Variants in CIMAP1C observed in about 807,000 individuals in gnomAD.
The protein encoded by CIMAP1C is ciliary microtubule associated protein 1C.
the CIMAP1C span, among the ~76,000 whole-genome samples, chr15:75,725,657 G>A: frequency 5.3e-5 from 8 of 152,162 alleles, no homozygotes; most frequent in African/African-American, 1.9e-4. Flanking sequence ...GCAGGGTGTG[G>A]TGGCGTGCAC....
the CIMAP1C span, chr15:75,727,667 A>G: frequency 1.1e-6 from 1 of 936,580 alleles, no homozygotes; most frequent in Non-Finnish European, 1.6e-6. Flanking sequence ...CACAGAAGAC[A>G]TTAGAGATAC....
chr15:75,726,364 A>G, the CIMAP1C span, among the ~76,000 whole-genome samples: 1 of 152,166 alleles, frequency 6.6e-6, no homozygotes, highest in Admixed American at 6.5e-5. Flanking sequence ...GACATGCAGC[A>G]TGTCACCAGG....
chr15:75,727,671 G>A, the CIMAP1C span: 1 of 926,812 alleles, frequency 1.1e-6, no homozygotes, highest in Non-Finnish European at 1.6e-6. Flanking sequence ...GAAGACATTA[G>A]AGATACATTT....
At chr15:75,725,273 G>C in the CIMAP1C span, 2 of 1,308,520 alleles carry the variant, frequency 1.5e-6, no homozygotes, top group Non-Finnish European at 2.2e-6. Context: ...GTTGGAGGTT[G>C]AGGGGAGAGA....
chr15:75,727,416 G>C, the CIMAP1C span: 1 of 1,613,842 alleles, frequency 6.2e-7, no homozygotes, highest in Non-Finnish European at 8.5e-7. Flanking sequence ...CTCACGCCAC[G>C]GCCTGGCCCC....
chr15:75,725,258 C>T, the CIMAP1C span: 1 of 1,451,524 alleles, frequency 6.9e-7, no homozygotes, highest in Non-Finnish European at 9.7e-7. Flanking sequence ...GGGGTTGGAG[C>T]TGTTGTTGGA....
At chr15:75,726,020 T>G in the CIMAP1C span, 1 of 1,435,958 alleles carries the variant, frequency 7.0e-7, no homozygotes, top group Non-Finnish European at 9.8e-7. Flanking sequence ...GGGGCAGCCT[T>G]TGGGGCTGAC....
the CIMAP1C span, chr15:75,725,248 G>A: frequency 6.6e-7 from 1 of 1,505,372 alleles, no homozygotes; most frequent in Non-Finnish European, 9.2e-7. Context: ...TCATCCGGCT[G>A]GGGTTGGAGC....
the CIMAP1C span, among the ~76,000 whole-genome samples, chr15:75,724,666 C>T: frequency 6.6e-6 from 1 of 152,288 alleles, no homozygotes; most frequent in South Asian, 2.1e-4. Flanking sequence ...TAGTTTAGTG[C>T]AGGGATTGAA....
chr15:75,727,263 C>T, the CIMAP1C span: 2 of 1,614,192 alleles, frequency 1.2e-6, no homozygotes, highest in Non-Finnish European at 8.5e-7. Context: ...TACAGTCTGG[C>T]CTCCAGGGAC....
Sources: allele counts gnomAD v4.1 joint callset (sites outside exome capture counted in the v4.1 genomes callset), GRCh38; gene constraint gnomAD v4.1.1; transcripts MANE v1.5; gene names NCBI Gene and HGNC (gene_info 2026-07-23, HGNC 2026-07-21).